Variants in GPC5 observed in about 807,000 individuals in gnomAD.
GPC5 encodes the protein glypican 5.
Under a neutral mutation model 53.9 loss-of-function variants are expected in GPC5, and 47 were observed. That is an observed-to-expected ratio of 0.87 (90% CI 0.69 to 1.11). The LOEUF (loss-of-function observed/expected upper bound fraction) is 1.11. Among genes scored for constraint, GPC5 ranks in the 50% most tolerant of loss-of-function variants. The pLI is 0.00. For synonymous variants in GPC5, 286 were observed against 263.3 expected, an observed-to-expected ratio of 1.09 and a Z score of -0.84; for missense variants, 748 against 713.1, an observed-to-expected ratio of 1.05 and a Z score of -0.56.
At chr13:91,942,422 T>G (rs2039935720) in intron 6 of GPC5, among the ~76,000 whole-genome samples, 1 of 152,106 alleles carries the variant, frequency 6.6e-6, no homozygotes, top group African/African-American at 2.4e-5. Flanking sequence ...AAATCTATAC[T>G]ATGAACAGGT....
intron 6 of GPC5, among the ~76,000 whole-genome samples, chr13:91,922,004 C>T (rs781701316): frequency 4.0e-5 from 6 of 151,870 alleles, no homozygotes; most frequent in Non-Finnish European, 8.8e-5. Flanking sequence ...AAAACTTTGC[C>T]AAAACTATAA....
At chr13:92,740,338 A>G (rs1003010988) in intron 7 of GPC5, among the ~76,000 whole-genome samples, 2 of 152,058 alleles carry the variant, frequency 1.3e-5, no homozygotes, top group African/African-American at 4.8e-5. Flanking sequence ...ACATTTATCA[A>G]TTGAATAAAT....
At chr13:92,602,237 T>TAAC (rs1555294312) in intron 7 of GPC5, among the ~76,000 whole-genome samples, 1 of 81,708 alleles carries the variant, frequency 1.2e-5, no homozygotes, top group African/African-American at 5.4e-5. Context: ...ATATAACATA[T>TAAC]ATATATATAT....
chr13:92,532,998 G>A (rs989470410), intron 7 of GPC5, among the ~76,000 whole-genome samples: 1 of 151,992 alleles, frequency 6.6e-6, no homozygotes, highest in Admixed American at 6.6e-5. Context: ...CTATATGACA[G>A]TCTCATTTTA....
At chr13:92,075,291 G>C (rs1248326763) in intron 6 of GPC5, among the ~76,000 whole-genome samples, 2 of 152,114 alleles carry the variant, frequency 1.3e-5, no homozygotes, top group African/African-American at 4.8e-5. Context: ...CAATATCAAA[G>C]ACTTCACTAT....
intron 7 of GPC5, among the ~76,000 whole-genome samples, chr13:92,281,332 CA>C (rs1225688220): frequency 2.0e-5 from 3 of 152,178 alleles, no homozygotes; most frequent in East Asian, 1.9e-4. Flanking sequence ...CAGGGCATAG[CA>C]GAACAAAAGG....
At chr13:91,972,234 C>G (rs2040249781) in intron 6 of GPC5, among the ~76,000 whole-genome samples, 1 of 152,108 alleles carries the variant, frequency 6.6e-6, no homozygotes, top group South Asian at 2.1e-4. Context: ...CCTTCTTTGT[C>G]TCTTTTGATC....
At chr13:92,559,695 C>T (rs760200516) in intron 7 of GPC5, among the ~76,000 whole-genome samples, 10 of 151,638 alleles carry the variant, frequency 6.6e-5, no homozygotes, top group Non-Finnish European at 1.3e-4. Flanking sequence ...CCTGACTTAC[C>T]TTGCCAGGGG....
Position 91,611,698 on chromosome 13 carries a change from C to T in GPC5, c.326-81489C>T, listed in dbSNP as rs140531427. On this transcript the variant is annotated intron_variant, in intron 2 of 7. Coordinates refer to ENST00000377067, the MANE Select transcript of GPC5 (RefSeq NM_004466.6). ...GTTCCTTACCAGTTCTGCTAATTCC[C>T]CAAGAATTGTTCTCCTGACTGTCAC... Among the ~76,000 whole-genome samples, 412 of 152,246 alleles carry T rather than the reference C, an allele frequency of 2.7e-3. 4 individuals carry two copies. The highest frequency in any genetic ancestry group is 9.7e-3 in the African/African-American group (401 of 41,552).
chr13:92,437,486 TAAG>T (rs917138840), intron 7 of GPC5, among the ~76,000 whole-genome samples: 14 of 152,092 alleles, frequency 9.2e-5, no homozygotes, highest in Admixed American at 2.6e-4. Context: ...CATTATACCT[TAAG>T]AAGAAAAAAA....
At chr13:91,685,161 G>T (rs1046498881) in intron 2 of GPC5, among the ~76,000 whole-genome samples, 5 of 152,072 alleles carry the variant, frequency 3.3e-5, no homozygotes, top group Non-Finnish European at 1.5e-5. Context: ...AATTAGCTGG[G>T]CATGGTGGTG....
intron 6 of GPC5, among the ~76,000 whole-genome samples, chr13:91,957,862 G>A (rs781368964): frequency 2.0e-5 from 3 of 151,404 alleles, no homozygotes; most frequent in Non-Finnish European, 4.4e-5. Context: ...TTAAACCCCC[G>A]GTTAGAGCAA....
intron 7 of GPC5, among the ~76,000 whole-genome samples, chr13:92,610,893 A>G (rs560198074): frequency 2.4e-4 from 36 of 152,102 alleles, no homozygotes; most frequent in Admixed American, 2.0e-3. Flanking sequence ...CACATGGGGG[A>G]AAATATGGGG....
intron 7 of GPC5, among the ~76,000 whole-genome samples, chr13:92,770,453 A>G (rs192842454): frequency 1.3e-5 from 2 of 150,192 alleles, no homozygotes; most frequent in South Asian, 2.1e-4. Context: ...AAACATGCTT[A>G]CAACCACAAC....
At chr13:92,257,792 C>T (rs1030963098) in intron 7 of GPC5, among the ~76,000 whole-genome samples, 18 of 151,796 alleles carry the variant, frequency 1.2e-4, no homozygotes, top group South Asian at 8.3e-4. Context: ...CCTCGTGATC[C>T]GCCTGCCTCA....
chr13:92,795,547 A>AGAATTT (rs1469475428), intron 7 of GPC5, among the ~76,000 whole-genome samples: 3 of 152,214 alleles, frequency 2.0e-5, no homozygotes, highest in African/African-American at 7.2e-5. Flanking sequence ...ATCTAATTAA[A>AGAATTT]GAATTTCTGC....
chr13:91,542,746 C>T (rs1022000373), intron 2 of GPC5, among the ~76,000 whole-genome samples: 1 of 151,946 alleles, frequency 6.6e-6, no homozygotes, highest in Non-Finnish European at 1.5e-5. Context: ...CGCAATGGCG[C>T]GATCTCAGCT....
chr13:92,798,725 T>C (rs1876795619), intron 7 of GPC5, among the ~76,000 whole-genome samples: 1 of 151,904 alleles, frequency 6.6e-6, no homozygotes, highest in African/African-American at 2.4e-5. Flanking sequence ...AATCAGGCTG[T>C]TGCAATTTTT....
At chr13:91,528,857 C>G (rs1886207143) in intron 2 of GPC5, among the ~76,000 whole-genome samples, 1 of 152,122 alleles carries the variant, frequency 6.6e-6, no homozygotes, top group Admixed American at 6.5e-5. Flanking sequence ...AGCACAGGAG[C>G]AACTGCCACT....
Sources: gnomAD v4.1 joint callset for allele counts (sites outside exome capture counted in the v4.1 genomes callset) on GRCh38, gnomAD v4.1.1 for gene constraint, MANE v1.5 for transcripts, NCBI Gene and HGNC (gene_info 2026-07-23, HGNC 2026-07-21) for gene names.